ESR1: variants seen among roughly 807,000 people sequenced by gnomAD.
The protein encoded by ESR1 is estrogen receptor.
Under a neutral mutation model 52.7 loss-of-function variants are expected in ESR1, and 12 were observed. That is an observed-to-expected ratio of 0.23 (90% confidence interval 0.15 to 0.37). The LOEUF (loss-of-function observed/expected upper bound fraction) is 0.37, where lower values mean the gene tolerates loss of function less well. ESR1 is among the 10% of genes least tolerant of loss of function. The probability of loss-of-function intolerance (pLI) is 1.00; values close to 1 mark genes in which losing one functional copy is unlikely to be tolerated. For synonymous variants in ESR1, 305 were observed against 316.8 expected (o/e 0.96, Z 0.39); for missense variants, 584 against 779.7 (o/e 0.75, Z 2.99).
intron 5 of ESR1, among the ~76,000 whole-genome samples, chr6:152,056,179 T>C (rs2047085993): frequency 6.6e-6 from 1 of 152,220 alleles, no homozygotes; most frequent in Non-Finnish European, 1.5e-5. Flanking sequence ...CAGAGCTGCA[T>C]ATGTAAACCT....
chr6:152,054,882 A>G (rs901896480), intron 5 of ESR1, among the ~76,000 whole-genome samples: 1 of 152,192 alleles, frequency 6.6e-6, no homozygotes, highest in Non-Finnish European at 1.5e-5. Context: ...TGATCATGCC[A>G]GTTGGAAATG....
chr6:152,003,780 C>CA (rs1290315868), intron 4 of ESR1, among the ~76,000 whole-genome samples: 1 of 145,782 alleles, frequency 6.9e-6, no homozygotes, highest in Non-Finnish European at 1.5e-5. Context: ...CAACTTCCTA[C>CA]AAAAAGTGAG....
chr6:151,911,483 C>T (rs939039024), intron 3 of ESR1, among the ~76,000 whole-genome samples: 8 of 152,164 alleles, frequency 5.3e-5, no homozygotes, highest in African/African-American at 1.7e-4. Context: ...TTTCTCCCCA[C>T]GTCTTTCCTA....
At chr6:152,018,589 G>C (rs1430558611) in intron 5 of ESR1, among the ~76,000 whole-genome samples, 1 of 152,038 alleles carries the variant, frequency 6.6e-6, no homozygotes, top group Non-Finnish European at 1.5e-5. Context: ...TAGCTGGGGT[G>C]TTGGGGGTGG....
intron 6 of ESR1, among the ~76,000 whole-genome samples, chr6:152,093,530 A>G (rs1028989882): frequency 6.6e-6 from 1 of 151,962 alleles, no homozygotes. Flanking sequence ...CTCATATACA[A>G]TCTCAGAAAT....
rs2747648 is a variant in ESR1 at position 152,101,200 on chromosome 6, C to T, written c.*2234C>T. The T allele has an allele frequency of 0.97, 225,853 of 232,286 alleles. 109,830 individuals are homozygous for T. The highest frequency in any genetic ancestry group is 1 in the East Asian group (16,283 of 16,286). 14.4% of individuals were successfully genotyped at this position (232,286 alleles called of 1,614,324 possible). On this transcript the variant is annotated 3_prime_UTR_variant, in exon 8 of 8. Transcript: ENST00000206249. ...TAATCCAGATGCCTATTGTTGGATA[C>T]TGAATGACAGACAATCTTATGTAGC... is the stretch of plus-strand genomic sequence containing the variant.
rs913193151 is a variant in ESR1 at position 152,053,552 on chromosome 6, C to T, written c.1236-7439C>T. Among the ~76,000 whole-genome samples, 1 of 151,344 alleles carries T rather than the reference C, an allele frequency of 6.6e-6. No homozygotes were observed. The highest frequency in any genetic ancestry group is 1.9e-4 in the East Asian group (1 of 5,154). On this transcript the variant is annotated intron_variant, in intron 5 of 7. Coordinates refer to ENST00000206249, the MANE Select transcript of ESR1 (RefSeq NM_000125.4). This position sits in a 1 kb window ranked among gnomAD's most constrained non-coding sequence, Gnocchi z 4.1. ...TCTCTCTCTTCCTCTCTCTCTTATC[C>T]TCTCTTTCTCTCAATCCCTCTCTCC... is the stretch of plus-strand genomic sequence containing the variant.
Position 152,098,682 on chromosome 6 carries a change from G to T in ESR1, c.1554-50G>T, listed in dbSNP as rs1385523412. 6.8e-7 allele frequency: 1 copy of T among 1,477,122 alleles called. No individual in the cohort carries two copies. The highest frequency in any genetic ancestry group is 9.4e-7 in the Non-Finnish European group (1 of 1,061,780). The allele number at this position is 1,477,122 out of a possible 1,614,324, so 91.5% of individuals were successfully genotyped here. On this transcript the variant is annotated intron_variant, in intron 7 of 7. Transcript: ENST00000206249. This position sits in a 1 kb window ranked among gnomAD's most constrained non-coding sequence, Gnocchi z 5.1. Reference sequence around the variant, plus strand: ...CCTTCTAGGGATTTCAGCACTCCTGGGGCTCGGGTTGGCTCTAAAGTAGTC... The same window carrying T: ...CCTTCTAGGGATTTCAGCACTCCTGTGGCTCGGGTTGGCTCTAAAGTAGTC...
At chr6:151,779,471 A>G (rs1786323262) in intron 2 of ESR1, among the ~76,000 whole-genome samples, 2 of 152,232 alleles carry the variant, frequency 1.3e-5, no homozygotes, top group Admixed American at 1.3e-4. Flanking sequence ...CAAAACCACA[A>G]TGAGATACTA....
intron 6 of ESR1, among the ~76,000 whole-genome samples, chr6:152,071,325 GA>G (rs1212499681): frequency 6.6e-6 from 1 of 152,106 alleles, no homozygotes; most frequent in Non-Finnish European, 1.5e-5. Context: ...ATAAATTAAG[GA>G]AATATAAAAC....
intron 3 of ESR1, among the ~76,000 whole-genome samples, chr6:151,929,168 G>T (rs2033221671): frequency 6.6e-6 from 1 of 152,178 alleles, no homozygotes; most frequent in Admixed American, 6.6e-5. Flanking sequence ...AGGTTTCTAA[G>T]TATAATAATG....
chr6:152,100,064 G>A lies in ESR1; in HGVS notation c.*1098G>A, dbSNP rs2050909212. ...GGGCAGAAACTGGATACAGTTCTGA[G>A]GCACAGCCAGACTTGCTCAGGGTGG... is the stretch of plus-strand genomic sequence containing the variant. On this transcript the variant is annotated 3_prime_UTR_variant, in exon 8 of 8. Transcript: ENST00000206249. 7.5e-6 allele frequency: 3 copies of A among 398,982 alleles called. No homozygotes were observed. In the South Asian group the frequency reaches 3.8e-4, roughly 51 times the overall value. 24.7% of individuals were successfully genotyped at this position (398,982 alleles called of 1,614,324 possible). A position where few individuals can be genotyped will look rare whatever the true frequency, so the allele number is the denominator to read the frequency against.
rs891395693 is a variant in ESR1 at position 151,752,891 on chromosome 6, A to G, written c.-71+50886A>G. On this transcript the variant is annotated intron_variant, in intron 2 of 2. Coordinates refer to the ESR1 transcript ENST00000404742. Reference sequence around the variant, plus strand: ...AGAACTACTAGGTTCTAATAAGACCAATAGGCTAATAATTCATTTCATTGC... The same window carrying G: ...AGAACTACTAGGTTCTAATAAGACCGATAGGCTAATAATTCATTTCATTGC... Among the ~76,000 whole-genome samples, 17 of 152,308 alleles carry G rather than the reference A, an allele frequency of 1.1e-4. 1 individual carries two copies. Among genetic ancestry groups the G allele is most frequent in the Non-Finnish European group, 8.8e-5 (6 of 68,022 alleles).
At chr6:151,999,821 A>G (rs921223039) in intron 4 of ESR1, among the ~76,000 whole-genome samples, 2 of 152,118 alleles carry the variant, frequency 1.3e-5, no homozygotes, top group Non-Finnish European at 2.9e-5. Context: ...GGATTTCAGT[A>G]TAACTTGTTT....
At chr6:151,866,092 C>G (rs1469701924) in intron 2 of ESR1, among the ~76,000 whole-genome samples, 2 of 152,206 alleles carry the variant, frequency 1.3e-5, no homozygotes, top group Non-Finnish European at 1.5e-5. Flanking sequence ...TGTCTGAGTG[C>G]AGGGCCAAAG....
At chr6:151,736,659 G>A (rs1273127178) in intron 2 of ESR1, among the ~76,000 whole-genome samples, 5 of 152,108 alleles carry the variant, frequency 3.3e-5, no homozygotes, top group Non-Finnish European at 2.9e-5. Flanking sequence ...TATTACAGGC[G>A]TGAGCCACCG....
chr6:151,934,903 G>A (rs1037626030), intron 3 of ESR1, among the ~76,000 whole-genome samples: 3 of 152,168 alleles, frequency 2.0e-5, no homozygotes, highest in Non-Finnish European at 4.4e-5. Context: ...TGCCCTCTCA[G>A]GATTCTAGAG....
chr6:151,660,737 T>A (rs1175046627), intron 1 of ESR1, among the ~76,000 whole-genome samples: 3 of 152,210 alleles, frequency 2.0e-5, no homozygotes, highest in African/African-American at 7.2e-5. Flanking sequence ...TATATTTAAC[T>A]CACAATAAAT....
chr6:151,937,118 C>T (rs2034458011), intron 3 of ESR1, among the ~76,000 whole-genome samples: 2 of 152,126 alleles, frequency 1.3e-5, no homozygotes, highest in Admixed American at 6.5e-5. Flanking sequence ...TAGTTTGAGA[C>T]TATGTGTGGA....
Sources: gnomAD v4.1 joint callset for allele counts (sites outside exome capture counted in the v4.1 genomes callset) on GRCh38, gnomAD v4.1.1 for gene constraint, Gnocchi (gnomAD v3.1) non-coding constraint, MANE v1.5 for transcripts, NCBI Gene and HGNC (gene_info 2026-07-23, HGNC 2026-07-21) for gene names.